The following SLC22A8 variants were observed in gnomAD, a reference collection of about 807,000 sequenced individuals.
SLC22A8 encodes the protein organic anion transporter 3.
A neutral mutation model predicts 48.4 loss-of-function variants in SLC22A8; 40 were observed. The ratio of observed to expected loss-of-function variants is 0.83; its 90% CI spans 0.64 to 1.08. The LOEUF (loss-of-function observed/expected upper bound fraction) is 1.08, where lower values mean the gene tolerates loss of function less well. SLC22A8 is among the 50% of genes least tolerant of loss of function. The pLI, the probability that SLC22A8 is intolerant of heterozygous loss-of-function variation, is 0.00. For missense variants in SLC22A8, 606 were observed against 699.0 expected (o/e 0.87, Z 1.50); for synonymous variants, 268 against 286.3 (o/e 0.94, Z 0.65).
chr11:63,003,366 G>T (rs542119516), intron 2 of SLC22A8, among the ~76,000 whole-genome samples: 169 of 152,270 alleles, frequency 1.1e-3, no homozygotes, highest in African/African-American at 3.9e-3. Context: ...GAATCTCCGG[G>T]TCCTACAGCT....
At chr11:62,996,263 G>T in intron 5 of SLC22A8, 111 bp from the exon 6 acceptor site, 1 of 1,077,624 alleles carries the variant, frequency 9.3e-7, no homozygotes, top group Non-Finnish European at 1.3e-6. Context: ...AGAAACCTGA[G>T]CTATCTCACT....
intron 2 of SLC22A8, among the ~76,000 whole-genome samples, chr11:63,010,410 G>A (rs924609576): frequency 1.3e-5 from 2 of 152,140 alleles, no homozygotes; most frequent in Non-Finnish European, 2.9e-5. Context: ...CCAACGCATC[G>A]GTTTCCCGCC....
At chr11:62,999,973 TC>T in intron 3 of SLC22A8, 131 bp from the exon 4 acceptor site, 2 of 676,440 alleles carry the variant, frequency 3.0e-6, no homozygotes, top group Non-Finnish European at 4.5e-6. Flanking sequence ...TAAAGCTCCC[TC>T]CCCAGACACA....
intron 8 of SLC22A8, chr11:62,994,165 T>C (rs943805509): frequency 3.8e-6 from 2 of 527,904 alleles, no homozygotes; most frequent in East Asian, 3.2e-5. Context: ...CTAACACCCA[T>C]ATAAAATAAA....
chr11:63,000,893 G>C, intron 2 of SLC22A8, 70 bp from the exon 3 acceptor site: 1 of 1,212,310 alleles, frequency 8.2e-7, no homozygotes, highest in Non-Finnish European at 1.2e-6. Flanking sequence ...TCAGCCTGTG[G>C]CCTCATACAT....
chr11:62,996,161 C>T lies in SLC22A8; in HGVS notation c.762-9G>A. On this transcript the variant is annotated splice_polypyrimidine_tract_variant and intron_variant, in intron 5 of 10. Coordinates refer to ENST00000336232, the MANE Select transcript of SLC22A8 (RefSeq NM_004254.4). ...TGGACTCTGGTGTCCACCTGGGGGC[C>T]AGAGACCAGTCACAGTGGCTCCTCC... is the stretch of plus-strand genomic sequence containing the variant. 6.3e-7 allele frequency: 1 copy of T among 1,587,638 alleles called. No homozygotes were observed. Among genetic ancestry groups the T allele is most frequent in the Non-Finnish European group, 8.6e-7 (1 of 1,164,982 alleles).
intron 5 of SLC22A8, among the ~76,000 whole-genome samples, chr11:62,998,400 C>T (rs1310990282): frequency 1.3e-5 from 2 of 152,158 alleles, no homozygotes; most frequent in Non-Finnish European, 2.9e-5. Context: ...TCTCTTTAAA[C>T]TTTCCTTTGT....
chr11:62,995,172 T>A (rs566269305), intron 7 of SLC22A8: 39 of 277,996 alleles, frequency 1.4e-4, no homozygotes, highest in Non-Finnish European at 2.6e-4. Flanking sequence ...GTGGGATCCC[T>A]TTGAAGGGTT....
chr11:62,998,816 C>T, intron 5 of SLC22A8, 105 bp downstream of exon 5: 2 of 961,356 alleles, frequency 2.1e-6, no homozygotes, highest in East Asian at 2.4e-5. Context: ...GACTCTGGGA[C>T]TGGGTGCCCG....
intron 2 of SLC22A8, chr11:63,001,109 C>T: frequency 2.5e-6 from 1 of 401,142 alleles, no homozygotes; most frequent in Non-Finnish European, 4.7e-6. Context: ...TCCTCCTCTC[C>T]AAGTTGCCTG....
At chr11:63,000,658 C>T (rs2086482505) in intron 3 of SLC22A8, 62 bp downstream of exon 3, 2 of 1,218,686 alleles carry the variant, frequency 1.6e-6, no homozygotes, top group East Asian at 2.3e-5. Flanking sequence ...ACGGGTGGAG[C>T]AGAGTAGGGA....
rs757171565 is a variant in SLC22A8, at chr11:62,993,223, G to C, written c.*14C>G. 1 of 1,602,484 alleles carries C rather than the reference G, an allele frequency of 6.2e-7. No homozygotes were observed. Among genetic ancestry groups the C allele is most frequent in the African/African-American group, 1.3e-5 (1 of 74,674 alleles). On this transcript the variant is annotated 3_prime_UTR_variant, in exon 11 of 11. Transcript: ENST00000336232. The stretch of plus-strand genomic sequence containing the variant: ...TCAGTCTCTGGAGGGCAGGGAAAGG[G>C]GGTTCCGTTGTCCTCAGCTGGAGCC...
Position 62,998,990 on chromosome 11 carries a change from G to A in SLC22A8, c.692C>T (p.Ala231Val), listed in dbSNP as rs1224104664. The A allele has an allele frequency of 1.9e-6, 3 of 1,614,094 alleles. No homozygotes were observed. Among genetic ancestry groups the A allele is most frequent in the Admixed American group, 3.3e-5 (2 of 60,018 alleles). Residue 231 changes from alanine (A) to valine (V), a missense_variant, in exon 5 of 11, where the codon GCC becomes GTC. Coordinates refer to ENST00000336232, the MANE Select transcript of SLC22A8 (RefSeq NM_004254.4). ...CTGCAGCCAACGCCACTGGGGGATG[G>A]CGTAGGCCAGGCCGGGCAGAATGAA... The part of the protein sequence containing the change: ...GQFILPGLAY[A>V]IPQWRWLQLT...
chr11:62,993,705 A>T, intron 9 of SLC22A8, 65 bp downstream of exon 9: 1 of 1,592,486 alleles, frequency 6.3e-7, no homozygotes, highest in Non-Finnish European at 8.6e-7. Flanking sequence ...AGAGGACAGG[A>T]CAATGCCACA....
At chr11:63,010,254 T>C (rs1229269270) in intron 2 of SLC22A8, among the ~76,000 whole-genome samples, 1 of 152,170 alleles carries the variant, frequency 6.6e-6, no homozygotes, top group East Asian at 1.9e-4. Context: ...TCCTGATCAT[T>C]GGCAGAGGCA....
At chr11:63,009,864 G>C (rs1372463164) in intron 2 of SLC22A8, among the ~76,000 whole-genome samples, 1 of 152,162 alleles carries the variant, frequency 6.6e-6, no homozygotes, top group East Asian at 1.9e-4. Context: ...ACTGAAGCTG[G>C]AGTGGCGAGG....
At chr11:62,994,521 G>C in intron 8 of SLC22A8, 21 bp downstream of exon 8, 1 of 1,565,584 alleles carries the variant, frequency 6.4e-7, no homozygotes, top group Non-Finnish European at 8.7e-7. Flanking sequence ...AGAGGGTTCT[G>C]GGGTAGCCCC....
chr11:62,997,310 C>T (rs1425098324), intron 5 of SLC22A8, among the ~76,000 whole-genome samples: 3 of 152,146 alleles, frequency 2.0e-5, no homozygotes, highest in Non-Finnish European at 4.4e-5. Flanking sequence ...CTGCAACCTC[C>T]ACCTCCCGGG....
At chr11:62,995,987 G>C in intron 6 of SLC22A8, 42 bp downstream of exon 6, 1 of 1,613,572 alleles carries the variant, frequency 6.2e-7, no homozygotes, top group South Asian at 1.1e-5. Context: ...CAAGAGTGGA[G>C]CACAGGGGTT....
Sources: gnomAD v4.1 joint callset for allele counts (sites outside exome capture counted in the v4.1 genomes callset) on GRCh38, gnomAD v4.1.1 for gene constraint, MANE v1.5 for transcripts, NCBI Gene and HGNC (gene_info 2026-07-23, HGNC 2026-07-21) for gene names.